The following ARHGAP29 variants were observed in gnomAD, a reference collection of about 807,000 sequenced individuals.
ARHGAP29 encodes Rho GTPase activating protein 29.
A neutral mutation model predicts 122.6 loss-of-function variants in ARHGAP29; 43 were observed. That is an observed-to-expected ratio of 0.35 (90% confidence interval 0.27 to 0.45). ARHGAP29 has a LOEUF of 0.45. Ranked by LOEUF, ARHGAP29 falls within the 20% of genes least tolerant of loss-of-function variation. ARHGAP29 has a pLI of 1.00. For missense variants in ARHGAP29, 1,303 were observed against 1,477.2 expected, an observed-to-expected ratio of 0.88 and a Z score of 1.93; for synonymous variants, 506 against 497.1, an observed-to-expected ratio of 1.02 and a Z score of -0.24.
chr1:94,218,849 T>C (rs535215961), intron 3 of ARHGAP29, among the ~76,000 whole-genome samples: 2 of 152,294 alleles, frequency 1.3e-5, no homozygotes, highest in African/African-American at 4.8e-5. Context: ...ACAAGGTTTT[T>C]ATTTTCCTTT....
At chr1:94,210,646 A>G (rs1651531688) in intron 3 of ARHGAP29, among the ~76,000 whole-genome samples, 1 of 152,242 alleles carries the variant, frequency 6.6e-6, no homozygotes, top group Non-Finnish European at 1.5e-5. Flanking sequence ...GTTCTTAAAT[A>G]ATGGGCATTT....
At chr1:94,219,524 C>T (rs996514732) in intron 3 of ARHGAP29, among the ~76,000 whole-genome samples, 29 of 152,170 alleles carry the variant, frequency 1.9e-4, no homozygotes, top group African/African-American at 7.0e-4. Context: ...AAATCACATT[C>T]TACCACTACC....
chr1:94,193,327 T>C (rs1650240339), intron 12 of ARHGAP29: 1 of 151,444 alleles, frequency 6.6e-6, no homozygotes, highest in South Asian at 2.1e-4. Flanking sequence ...GCTCTAGTGT[T>C]TGAGTCACTG....
the ARHGAP29 span, among the ~76,000 whole-genome samples, chr1:94,299,112 C>T: frequency 6.6e-6 from 1 of 152,052 alleles, no homozygotes; most frequent in Non-Finnish European, 1.5e-5. Context: ...TTATAATCAT[C>T]GAGGTACATA....
At position 94,189,356 on chromosome 1, in the gene ARHGAP29, AAAC is replaced by A. The variant is rs1479515240; in HGVS notation, c.1440-7_1440-5del. 2.5e-6 allele frequency: 4 copies of A among 1,602,116 alleles called. No individual in the cohort carries two copies. The highest frequency in any genetic ancestry group is 2.7e-5 in the African/African-American group (2 of 74,272). ...ATTTAAATGTTTATTTACATTTCTGAAACAACAACAATGACAAAAAACAAAACT... is the reference window on the plus strand; with the variant it reads ...ATTTAAATGTTTATTTACATTTCTGAAACAACAATGACAAAAAACAAAACT... On this transcript the variant is annotated splice_region_variant and splice_polypyrimidine_tract_variant and intron_variant, in intron 13 of 22. Transcript: ENST00000260526.
chr1:94,301,352 G>A, the ARHGAP29 span, among the ~76,000 whole-genome samples: 1 of 152,120 alleles, frequency 6.6e-6, no homozygotes, highest in Non-Finnish European at 1.5e-5. Flanking sequence ...AGTTGATAGG[G>A]ACAACTGGCT....
intron 12 of ARHGAP29, among the ~76,000 whole-genome samples, chr1:94,199,457 T>C (rs1194459772): frequency 1.3e-5 from 2 of 152,172 alleles, no homozygotes; most frequent in South Asian, 2.1e-4. Flanking sequence ...AAAAGCATGC[T>C]GGCCAATGAG....
At chr1:94,302,495 G>A in the ARHGAP29 span, 40 of 349,228 alleles carry the variant, frequency 1.1e-4, no homozygotes, top group Middle Eastern at 1.1e-3. Flanking sequence ...CTAACCTCCT[G>A]GCCAAGGTCA....
At chr1:94,310,363 C>T in the ARHGAP29 span, among the ~76,000 whole-genome samples, 1 of 152,228 alleles carries the variant, frequency 6.6e-6, no homozygotes, top group South Asian at 2.1e-4. Context: ...TGCCTACCCC[C>T]AGCTGGATGA....
At position 94,179,955 on chromosome 1, in the gene ARHGAP29, G is replaced by A. The variant is rs1313221847; in HGVS notation, c.2250C>T (p.Leu750=). 3 of 1,583,032 alleles carry A rather than the reference G, an allele frequency of 1.9e-6. No homozygotes were observed. In the African/African-American group the frequency reaches 4.1e-5, roughly 22 times the overall value. ...CDVLKLYLRQ[L]PEPFILFRLY... is the part of the protein sequence containing the mutation. ...ATCGAAATAAAATAAATGGTTCTGGGAGCTAAAGAAATAAAATTACATTGG... is the reference window on the plus strand; with the variant it reads ...ATCGAAATAAAATAAATGGTTCTGGAAGCTAAAGAAATAAAATTACATTGG... The change falls in exon 20 of 23, where the codon CTC becomes CTT. Residue 750 remains leucine, a splice_region_variant and synonymous_variant. Transcript: ENST00000260526.
chr1:94,189,496 G>A, intron 13 of ARHGAP29, 144 bp from the exon 14 acceptor site: 1 of 1,018,006 alleles, frequency 9.8e-7, no homozygotes, highest in Non-Finnish European at 1.4e-6. Context: ...CCACACTCAT[G>A]GTTCAGCTTC....
intron 1 of ARHGAP29, among the ~76,000 whole-genome samples, chr1:94,235,676 T>C (rs543763468): frequency 3.9e-5 from 6 of 152,190 alleles, no homozygotes; most frequent in Non-Finnish European, 4.4e-5. Context: ...ACACACTAAT[T>C]CTGGTGCATC....
intron 1 of ARHGAP29, among the ~76,000 whole-genome samples, chr1:94,252,030 G>A (rs1210446555): frequency 6.6e-6 from 1 of 152,150 alleles, no homozygotes; most frequent in Non-Finnish European, 1.5e-5. Context: ...ACGAATGAAA[G>A]ATTTAAAGAA....
At chr1:94,179,507 T>C (rs1020565503) in intron 20 of ARHGAP29, among the ~76,000 whole-genome samples, 3 of 144,438 alleles carry the variant, frequency 2.1e-5, no homozygotes, top group African/African-American at 5.2e-5. Flanking sequence ...GGCAGAAGAA[T>C]TGCTTGAACC....
intron 5 of ARHGAP29, among the ~76,000 whole-genome samples, chr1:94,207,878 T>C (rs1373803228): frequency 6.6e-6 from 1 of 151,650 alleles, no homozygotes; most frequent in Non-Finnish European, 1.5e-5. Context: ...AGAGACAGAG[T>C]CGCACTGGCT....
intron 3 of ARHGAP29, among the ~76,000 whole-genome samples, chr1:94,211,223 G>A (rs1178056534): frequency 7.7e-6 from 1 of 129,368 alleles, no homozygotes; most frequent in Non-Finnish European, 1.6e-5. Context: ...GGAGGCAGAG[G>A]TTGCAGTAAG....
chr1:94,253,226 C>T (rs938513362), intron 1 of ARHGAP29, among the ~76,000 whole-genome samples: 12 of 152,084 alleles, frequency 7.9e-5, no homozygotes, highest in African/African-American at 2.9e-4. Context: ...ATCTCGGTCC[C>T]CCTAAGTGCT....
intron 1 of ARHGAP29, among the ~76,000 whole-genome samples, chr1:94,233,943 C>A (rs1456382530): frequency 6.6e-6 from 1 of 152,164 alleles, no homozygotes; most frequent in East Asian, 1.9e-4. Context: ...AGGGTCCTGT[C>A]TATATGTAAT....
Position 94,188,852 on chromosome 1 carries a change from C to G in ARHGAP29, c.1666G>C (p.Glu556Gln). 1 of 1,612,474 alleles carries G rather than the reference C, an allele frequency of 6.2e-7. No individual in the cohort carries two copies. The highest frequency in any genetic ancestry group is 8.5e-7 in the Non-Finnish European group (1 of 1,178,756). The change falls in exon 15 of 23, where the codon GAA becomes CAA. Residue 556 changes from glutamate to glutamine, a missense_variant. Coordinates refer to ENST00000260526, the MANE Select transcript of ARHGAP29 (RefSeq NM_004815.4). ...ATAGATGTACCTGGACTTATAGATT[C>G]TGAATCCAGAGATCTAGATTCGCTG... The part of the protein sequence containing the change: ...GSSESRSLDS[E>Q]SISPGDFHRK...
Sources: gnomAD v4.1 joint callset for allele counts (sites outside exome capture counted in the v4.1 genomes callset) on GRCh38, gnomAD v4.1.1 for gene constraint, MANE v1.5 for transcripts, NCBI Gene and HGNC (gene_info 2026-07-23, HGNC 2026-07-21) for gene names.